Variants in TRPM3 observed in about 807,000 individuals in gnomAD.
TRPM3 encodes long transient receptor potential channel 3.
A neutral mutation model predicts 181.2 loss-of-function variants in TRPM3; 77 were observed. The ratio of observed to expected loss-of-function variants is 0.42; its 90% confidence interval spans 0.35 to 0.51. TRPM3 has a LOEUF of 0.51. TRPM3 is among the 20% of genes least tolerant of loss of function. The pLI is 0.01. For missense variants in TRPM3, 1,759 were observed against 2,196.7 expected (o/e 0.80, Z 3.98); for synonymous variants, 745 against 796.4 (o/e 0.94, Z 1.09).
intron 1 of TRPM3, among the ~76,000 whole-genome samples, chr9:70,873,851 T>C (rs1465646067): frequency 1.3e-5 from 2 of 151,850 alleles, no homozygotes; most frequent in Admixed American, 1.3e-4. Context: ...ATAACCAGAG[T>C]GTTGTAATTT....
chr9:71,372,527 C>T (rs2092548551), intron 1 of TRPM3, among the ~76,000 whole-genome samples: 1 of 152,038 alleles, frequency 6.6e-6, no homozygotes, highest in Non-Finnish European at 1.5e-5. Flanking sequence ...GTTGTTGTTA[C>T]TTTTTATTAA....
intron 1 of TRPM3, among the ~76,000 whole-genome samples, chr9:71,371,223 T>G (rs2092500972): frequency 6.6e-6 from 1 of 152,196 alleles, no homozygotes; most frequent in Non-Finnish European, 1.5e-5. Flanking sequence ...AATCTTCACT[T>G]TCAAATCTTA....
chr9:71,329,069 A>G (rs2089929509), intron 1 of TRPM3, among the ~76,000 whole-genome samples: 1 of 152,242 alleles, frequency 6.6e-6, no homozygotes, highest in Admixed American at 6.5e-5. Context: ...GTGACAATAG[A>G]ACTATTACAA....
chr9:71,095,141 T>C (rs1171854519), intron 1 of TRPM3, among the ~76,000 whole-genome samples: 1 of 152,166 alleles, frequency 6.6e-6, no homozygotes, highest in Non-Finnish European at 1.5e-5. Flanking sequence ...TCACAAGGCA[T>C]ATTACTATTT....
intron 22 of TRPM3, among the ~76,000 whole-genome samples, chr9:70,578,298 CAAAAAAAAAAAA>C (rs56376771): frequency 2.6e-5 from 3 of 116,416 alleles, no homozygotes; most frequent in Admixed American, 8.6e-5. Context: ...CTTTTGTATC[CAAAAAAAAAAAA>C]AAAAAAAAAG....
At chr9:71,105,300 C>G (rs2069256635) in intron 1 of TRPM3, among the ~76,000 whole-genome samples, 1 of 152,034 alleles carries the variant, frequency 6.6e-6, no homozygotes, top group African/African-American at 2.4e-5. Flanking sequence ...TCAGATGTGG[C>G]CATGAGAGGA....
intron 1 of TRPM3, among the ~76,000 whole-genome samples, chr9:70,880,764 A>G (rs898695978): frequency 2.0e-5 from 3 of 152,090 alleles, no homozygotes; most frequent in African/African-American, 7.2e-5. Flanking sequence ...TGTTACTATC[A>G]ACTTGAGCTT....
chr9:70,536,928 A>G lies in TRPM3; in HGVS notation c.4185T>C (p.Pro1395=). 6.2e-7 allele frequency: 1 copy of G among 1,614,214 alleles called. No homozygotes were observed. Among genetic ancestry groups the G allele is most frequent in the Non-Finnish European group, 8.5e-7 (1 of 1,180,020 alleles). ...CAGGAACAATGGCCAAGGTGTTGGC[A>G]GGGGCTGCAGGAGCTTTGGGTTCTT... The part of the protein sequence containing the change: ...VAKEPKAPAA[P]ANTLAIVPDS... The change falls in exon 26 of 26, where the codon CCT becomes CCC. Residue 1395 remains proline, a synonymous_variant. Coordinates refer to ENST00000677713, the MANE Select transcript of TRPM3 (RefSeq NM_001366145.2).
intron 1 of TRPM3, among the ~76,000 whole-genome samples, chr9:71,234,102 G>A (rs375932260): frequency 3.9e-5 from 6 of 152,128 alleles, no homozygotes; most frequent in Non-Finnish European, 5.9e-5. Context: ...CAAGATATTC[G>A]CAGAGGGACA....
intron 6 of TRPM3, chr9:70,793,507 A>G (rs1057403172): frequency 3.7e-5 from 11 of 296,036 alleles, no homozygotes; most frequent in African/African-American, 2.1e-4. Flanking sequence ...ACATATGTAT[A>G]TGTATGCATA....
chr9:71,081,172 G>C (rs1352558852), intron 1 of TRPM3, among the ~76,000 whole-genome samples: 3 of 152,182 alleles, frequency 2.0e-5, no homozygotes, highest in Non-Finnish European at 4.4e-5. Context: ...GCCTTTACAA[G>C]TATAAAGAGG....
chr9:70,935,241 G>A (rs1436991394), intron 1 of TRPM3, among the ~76,000 whole-genome samples: 1 of 152,072 alleles, frequency 6.6e-6, no homozygotes, highest in African/African-American at 2.4e-5. Context: ...ATGCCTCCCT[G>A]TAATACTTAC....
At chr9:71,297,143 C>A (rs1302832725) in intron 1 of TRPM3, among the ~76,000 whole-genome samples, 1 of 151,992 alleles carries the variant, frequency 6.6e-6, no homozygotes, top group Non-Finnish European at 1.5e-5. Flanking sequence ...AGGTGTGCAC[C>A]ACCACACGCG....
intron 6 of TRPM3, among the ~76,000 whole-genome samples, chr9:70,794,092 A>AT (rs909806626): frequency 3.7e-4 from 55 of 148,102 alleles, no homozygotes; most frequent in African/African-American, 6.9e-4. Flanking sequence ...GGGATAGCAG[A>AT]TTTTTTTTTT....
chr9:71,301,648 C>T (rs2086788984), intron 1 of TRPM3, among the ~76,000 whole-genome samples: 1 of 152,110 alleles, frequency 6.6e-6, no homozygotes, highest in Non-Finnish European at 1.5e-5. Flanking sequence ...AACTGCTGCT[C>T]AGATGATAAG....
intron 1 of TRPM3, among the ~76,000 whole-genome samples, chr9:71,350,004 G>T (rs561923753): frequency 0.031 from 89 of 2,834 alleles, no homozygotes; most frequent in Middle Eastern, 0.083. Flanking sequence ...TATATATATG[G>T]GCCTAAAAAA....
intron 22 of TRPM3, among the ~76,000 whole-genome samples, chr9:70,588,861 AC>A (rs1272224994): frequency 6.6e-6 from 1 of 152,240 alleles, no homozygotes; most frequent in African/African-American, 2.4e-5. Flanking sequence ...ATGTTCAATG[AC>A]CTTGGCCAAA....
At chr9:71,186,992 G>T (rs1158721772) in intron 1 of TRPM3, among the ~76,000 whole-genome samples, 1 of 151,896 alleles carries the variant, frequency 6.6e-6, no homozygotes, top group Non-Finnish European at 1.5e-5. Flanking sequence ...TATCATGTGG[G>T]CATAATAATT....
At chr9:71,236,293 A>G (rs2081346332) in intron 1 of TRPM3, among the ~76,000 whole-genome samples, 1 of 146,452 alleles carries the variant, frequency 6.8e-6, no homozygotes, top group South Asian at 2.2e-4. Context: ...TTTTCTTATC[A>G]GTAAATTAAG....
Sources: gnomAD v4.1 joint callset for allele counts (sites outside exome capture counted in the v4.1 genomes callset) on GRCh38, gnomAD v4.1.1 for gene constraint, MANE v1.5 for transcripts, NCBI Gene and HGNC (gene_info 2026-07-23, HGNC 2026-07-21) for gene names.